Variants in CHP1 observed in about 807,000 individuals in gnomAD.
The protein encoded by CHP1 is calcineurin B homologous protein 1.
In CHP1, 11 loss-of-function variants were observed where a neutral mutation model predicts 27.4. The observed-to-expected ratio is 0.40, with a 90% CI of 0.25 to 0.67. The LOEUF (loss-of-function observed/expected upper bound fraction) is 0.67, where lower values mean the gene tolerates loss of function less well. Ranked by LOEUF, CHP1 falls within the 30% of genes least tolerant of loss-of-function variation. The probability of loss-of-function intolerance (pLI) is 0.38; values close to 1 mark genes in which losing one functional copy is unlikely to be tolerated. For synonymous variants in CHP1, 89 were observed against 87.4 expected (o/e 1.02, Z -0.10); for missense variants, 169 against 251.3 (o/e 0.67, Z 2.22).
intron 4 of CHP1, among the ~76,000 whole-genome samples, chr15:41,265,265 G>A (rs1017129728): frequency 6.7e-6 from 1 of 150,108 alleles, no homozygotes; most frequent in Non-Finnish European, 1.5e-5. Context: ...TCAGGAGGCT[G>A]AGGCGGGAGA....
Position 41,231,392 on chromosome 15 carries a change from C to T in CHP1, c.10C>T (p.Arg4Trp). 2 of 1,601,410 alleles carry T rather than the reference C, an allele frequency of 1.2e-6. No homozygotes were observed. Among genetic ancestry groups the T allele is most frequent in the South Asian group, 1.1e-5 (1 of 88,586 alleles). MGS[R>W]ASTLLRDEEL... ...AGCTCCCGGCACGGCGATGGGTTCTCGGGCCTCCACGTTACTGCGGGACGA... is the reference window on the plus strand; with the variant it reads ...AGCTCCCGGCACGGCGATGGGTTCTTGGGCCTCCACGTTACTGCGGGACGA... The change falls in exon 1 of 7, where the codon CGG becomes TGG. Residue 4 changes from arginine to tryptophan, a missense_variant. Transcript: ENST00000334660.
intron 4 of CHP1, among the ~76,000 whole-genome samples, chr15:41,263,122 G>A (rs892021689): frequency 2.0e-5 from 3 of 152,142 alleles, no homozygotes; most frequent in Non-Finnish European, 4.4e-5. Context: ...AGGATACTAA[G>A]GGGTTCCACA....
intron 2 of CHP1, among the ~76,000 whole-genome samples, chr15:41,253,472 T>C (rs2047381565): frequency 6.9e-6 from 1 of 144,698 alleles, no homozygotes; most frequent in African/African-American, 2.6e-5. Context: ...TTTATTTATT[T>C]TGAGACGGAG....
At chr15:41,262,389 G>A (rs74012255) in intron 3 of CHP1, among the ~76,000 whole-genome samples, 20,803 of 151,990 alleles carry the variant, frequency 0.14, 2,191 homozygotes, top group African/African-American at 0.3. Flanking sequence ...CCTGTGGCTC[G>A]CTGCAGAGTT....
intron 1 of CHP1, among the ~76,000 whole-genome samples, chr15:41,233,638 G>T (rs565354371): frequency 1.3e-5 from 2 of 152,224 alleles, no homozygotes; most frequent in African/African-American, 4.8e-5. Context: ...GACAAAAAAC[G>T]CCCCCAACCT....
At chr15:41,269,378 A>G (rs556977448) in intron 4 of CHP1, among the ~76,000 whole-genome samples, 1 of 152,250 alleles carries the variant, frequency 6.6e-6, no homozygotes, top group Admixed American at 6.5e-5. Context: ...TGGACTCACC[A>G]TTTTATTTTG....
intron 4 of CHP1, among the ~76,000 whole-genome samples, chr15:41,266,946 G>T (rs897036844): frequency 6.6e-6 from 1 of 152,038 alleles, no homozygotes; most frequent in African/African-American, 2.4e-5. Context: ...GTTGCAGTGA[G>T]CTGAGATTGC....
At chr15:41,246,803 G>A (rs2047337241) in intron 2 of CHP1, among the ~76,000 whole-genome samples, 2 of 151,144 alleles carry the variant, frequency 1.3e-5, no homozygotes, top group South Asian at 4.2e-4. Context: ...TACTCGAGAG[G>A]CTGAGGTAGG....
intron 1 of CHP1, among the ~76,000 whole-genome samples, chr15:41,236,503 C>T (rs113324655): frequency 2.4e-4 from 36 of 152,120 alleles, no homozygotes; most frequent in African/African-American, 8.4e-4. Context: ...TTCAGGTGGT[C>T]CGCTCATCCC....
chr15:41,256,387 G>A (rs1177450095), intron 2 of CHP1, among the ~76,000 whole-genome samples: 10 of 152,092 alleles, frequency 6.6e-5, no homozygotes, highest in Admixed American at 2.6e-4. Flanking sequence ...GAAAAAGCCA[G>A]AGTCAGAACA....
At chr15:41,236,650 A>G (rs1293137380) in intron 1 of CHP1, among the ~76,000 whole-genome samples, 1 of 152,200 alleles carries the variant, frequency 6.6e-6, no homozygotes, top group Non-Finnish European at 1.5e-5. Flanking sequence ...CCCCAGCAGC[A>G]GCTGCGAAGA....
At chr15:41,271,862 A>C (rs1167095266) in intron 5 of CHP1, among the ~76,000 whole-genome samples, 3 of 152,200 alleles carry the variant, frequency 2.0e-5, no homozygotes, top group African/African-American at 7.2e-5. Flanking sequence ...TATTTTCTTG[A>C]AAGTTGCCAC....
At chr15:41,278,124 C>T (rs1023554449) in intron 5 of CHP1, among the ~76,000 whole-genome samples, 1 of 151,854 alleles carries the variant, frequency 6.6e-6, no homozygotes, top group African/African-American at 2.4e-5. Flanking sequence ...GTCAGGAGAT[C>T]GAGACCATCC....
intron 4 of CHP1, among the ~76,000 whole-genome samples, chr15:41,266,565 A>T (rs937806347): frequency 2.0e-5 from 3 of 152,200 alleles, no homozygotes; most frequent in Non-Finnish European, 4.4e-5. Context: ...GGCGGAGTAG[A>T]GCTTGGGAGA....
At chr15:41,238,313 A>G (rs549886322) in intron 1 of CHP1, among the ~76,000 whole-genome samples, 1 of 151,956 alleles carries the variant, frequency 6.6e-6, no homozygotes, top group South Asian at 2.1e-4. Flanking sequence ...ATGCACCACG[A>G]TGCCCAGCTA....
intron 2 of CHP1, among the ~76,000 whole-genome samples, chr15:41,250,898 C>T (rs541867386): frequency 1.3e-3 from 190 of 151,508 alleles, no homozygotes; most frequent in Admixed American, 2.8e-3. Flanking sequence ...GGCACAATCT[C>T]GGCTCACTGC....
At position 41,231,293 on chromosome 15, in the gene CHP1, T is replaced by C. The variant is rs569828726; in HGVS notation, c.-90T>C. The C allele has an allele frequency of 4.9e-5, 64 of 1,302,440 alleles. No homozygotes were observed. Among genetic ancestry groups the C allele is most frequent in the Non-Finnish European group, 6.8e-5 (63 of 922,096 alleles). 80.7% of individuals were successfully genotyped at this position (1,302,440 alleles called of 1,614,324 possible). A position where few individuals can be genotyped will look rare whatever the true frequency, so the allele number is the denominator to read the frequency against. ...AGTGGAAACACTGCCCTCTCCCTTC[T>C]TGACCCCTAGCCCTTCCTTCCCTCC... On this transcript the variant is annotated 5_prime_UTR_variant, in exon 1 of 7. Coordinates refer to ENST00000334660, the MANE Select transcript of CHP1 (RefSeq NM_007236.5).
At chr15:41,256,240 G>A (rs1286551134) in intron 2 of CHP1, among the ~76,000 whole-genome samples, 1 of 152,154 alleles carries the variant, frequency 6.6e-6, no homozygotes, top group Non-Finnish European at 1.5e-5. Flanking sequence ...AGCAGCACAT[G>A]ATATATATGT....
intron 3 of CHP1, among the ~76,000 whole-genome samples, chr15:41,260,863 C>T (rs2047429253): frequency 6.6e-6 from 1 of 151,878 alleles, no homozygotes; most frequent in African/African-American, 2.4e-5. Context: ...ATCTGAAAAG[C>T]ATAGAAAAGT....
Sources: allele counts gnomAD v4.1 joint callset (sites outside exome capture counted in the v4.1 genomes callset), GRCh38; gene constraint gnomAD v4.1.1; transcripts MANE v1.5; gene names NCBI Gene and HGNC (gene_info 2026-07-23, HGNC 2026-07-21).